Variants in DPH6 observed in about 807,000 individuals in gnomAD.
The protein encoded by DPH6 is diphthine--ammonia ligase.
In DPH6, 33 loss-of-function variants were observed where a neutral mutation model predicts 38.2. The ratio of observed to expected loss-of-function variants is 0.86; its 90% CI spans 0.65 to 1.15. DPH6 has a LOEUF of 1.15. Among genes scored for constraint, DPH6 ranks in the 50% most tolerant of loss-of-function variants. The probability of loss-of-function intolerance (pLI) is 0.00; values close to 1 mark genes in which losing one functional copy is unlikely to be tolerated. For synonymous variants in DPH6, 108 were observed against 103.0 expected (o/e 1.05, Z -0.30); for missense variants, 325 against 320.0 (o/e 1.02, Z -0.12).
At chr15:35,392,983 G>C (rs1196543913) in intron 6 of DPH6, among the ~76,000 whole-genome samples, 1 of 152,212 alleles carries the variant, frequency 6.6e-6, no homozygotes, top group Non-Finnish European at 1.5e-5. Context: ...AGACAAGGCT[G>C]AAAGTCTAGA....
intron 3 of DPH6, among the ~76,000 whole-genome samples, chr15:35,278,518 C>A (rs2051874135): frequency 6.6e-6 from 1 of 152,190 alleles, no homozygotes; most frequent in South Asian, 2.1e-4. Flanking sequence ...AGGTTGGAGA[C>A]CCTATACAGA....
At chr15:35,283,037 T>TCTTCTTCTTC (rs367953440) in intron 3 of DPH6, 28 of 194,014 alleles carry the variant, frequency 1.4e-4, no homozygotes, top group East Asian at 1.2e-3. Flanking sequence ...TCCTTCTTCT[T>TCTTCTTCTTC]CTTCTTCTTC....
At chr15:35,294,446 T>G (rs16960765) in intron 3 of DPH6, among the ~76,000 whole-genome samples, 58,047 of 152,020 alleles carry the variant, frequency 0.38, 13,121 homozygotes, top group East Asian at 0.63. Context: ...GATCAGTTGG[T>G]TCATGTCCAT....
intron 3 of DPH6, among the ~76,000 whole-genome samples, chr15:35,357,260 G>A (rs1029530649): frequency 1.3e-5 from 2 of 152,212 alleles, no homozygotes; most frequent in African/African-American, 4.8e-5. Context: ...CCCTGCTTCA[G>A]CTCACACTCG....
intron 3 of DPH6, among the ~76,000 whole-genome samples, chr15:35,360,316 T>G (rs929827029): frequency 6.6e-6 from 1 of 152,080 alleles, no homozygotes; most frequent in Non-Finnish European, 1.5e-5. Flanking sequence ...GTGGGCACAA[T>G]TCCTGCCTGG....
intron 3 of DPH6, among the ~76,000 whole-genome samples, chr15:35,296,804 C>CTTTTTTTTT (rs772132282): frequency 7.9e-6 from 1 of 127,332 alleles, no homozygotes; most frequent in Non-Finnish European, 1.6e-5. Flanking sequence ...GGCCTGGCTT[C>CTTTTTTTTT]TTTTTTTTTT....
chr15:35,320,388 G>T (rs773500939), intron 3 of DPH6, among the ~76,000 whole-genome samples: 11 of 152,128 alleles, frequency 7.2e-5, no homozygotes, highest in Non-Finnish European at 1.3e-4. Flanking sequence ...TATCTTTTGA[G>T]TGTATACACT....
chr15:35,210,974 T>TG, the DPH6 span, among the ~76,000 whole-genome samples: 15 of 139,754 alleles, frequency 1.1e-4, no homozygotes, highest in African/African-American at 4.0e-4. Context: ...TTTTTTTTTT[T>TG]GCAAATCAGC....
chr15:35,405,023 G>T (rs2053273016), intron 6 of DPH6, among the ~76,000 whole-genome samples: 1 of 152,040 alleles, frequency 6.6e-6, no homozygotes, highest in South Asian at 2.1e-4. Context: ...TGTCAAAAAT[G>T]AATTTGTTAC....
intron 7 of DPH6, among the ~76,000 whole-genome samples, chr15:35,380,526 GT>G (rs960707108): frequency 1.3e-5 from 2 of 151,950 alleles, no homozygotes; most frequent in African/African-American, 4.8e-5. Context: ...TCTTTGGCAT[GT>G]TTTCCACTTA....
chr15:35,427,216 T>A (rs983744455), intron 5 of DPH6, among the ~76,000 whole-genome samples: 4 of 151,806 alleles, frequency 2.6e-5, no homozygotes, highest in Non-Finnish European at 4.4e-5. Context: ...AGGAAACGAC[T>A]ATTCCAAGGG....
intron 5 of DPH6, among the ~76,000 whole-genome samples, chr15:35,423,614 G>C (rs543887194): frequency 6.6e-6 from 1 of 151,114 alleles, no homozygotes; most frequent in Non-Finnish European, 1.5e-5. Flanking sequence ...AAAAATCATT[G>C]TCCAGTCCAA....
chr15:35,308,752 C>T (rs2052115012), intron 3 of DPH6, among the ~76,000 whole-genome samples: 1 of 152,128 alleles, frequency 6.6e-6, no homozygotes, highest in Admixed American at 6.6e-5. Context: ...TACTTCTACA[C>T]ACTAAATATA....
At chr15:35,478,630 C>A (rs761976455) in intron 3 of DPH6, among the ~76,000 whole-genome samples, 1 of 151,898 alleles carries the variant, frequency 6.6e-6, no homozygotes, top group Non-Finnish European at 1.5e-5. Context: ...GAACTCAATG[C>A]AATTTCATCC....
chr15:35,308,283 A>G (rs1177768250), intron 3 of DPH6, among the ~76,000 whole-genome samples: 1 of 152,200 alleles, frequency 6.6e-6, no homozygotes, highest in Non-Finnish European at 1.5e-5. Context: ...AAAAGCTTCT[A>G]TGATTTACCA....
At chr15:35,322,179 T>C (rs1450235309) in intron 3 of DPH6, among the ~76,000 whole-genome samples, 1 of 152,168 alleles carries the variant, frequency 6.6e-6, no homozygotes, top group Non-Finnish European at 1.5e-5. Context: ...TAGGAATAAT[T>C]GGAAAAGTCA....
chr15:35,455,670 T>G (rs759633189), intron 3 of DPH6, among the ~76,000 whole-genome samples: 1 of 152,108 alleles, frequency 6.6e-6, no homozygotes, highest in Non-Finnish European at 1.5e-5. Context: ...ATACACAATA[T>G]GGGTGTAAAC....
chr15:35,249,669 C>T lies in DPH6; in HGVS notation n.201-29087G>A, dbSNP rs527345991. On this transcript the variant is annotated intron_variant and non_coding_transcript_variant, in intron 3 of 3. Transcript: ENST00000560386. ...GAGTAGATAGTAGAAAATAATATGC[C>T]ACTCCAATTTTGGAGTCGAAGAACT... Among the ~76,000 whole-genome samples the T allele has an allele frequency of 2.6e-5, 4 of 152,182 alleles. No individual in the cohort carries two copies. In the South Asian group the frequency reaches 6.2e-4, roughly 24 times the overall value.
At chr15:35,376,118 C>T (rs2052776088) in intron 7 of DPH6, among the ~76,000 whole-genome samples, 3 of 152,114 alleles carry the variant, frequency 2.0e-5, no homozygotes, top group Admixed American at 6.6e-5. Flanking sequence ...AACACATCCA[C>T]TACATTATAA....
Sources: gnomAD v4.1 joint callset for allele counts (sites outside exome capture counted in the v4.1 genomes callset) on GRCh38, gnomAD v4.1.1 for gene constraint, MANE v1.5 for transcripts, NCBI Gene and HGNC (gene_info 2026-07-23, HGNC 2026-07-21) for gene names.